The following NAGPA variants were observed in gnomAD, a reference collection of about 807,000 sequenced individuals.
NAGPA encodes N-acetylglucosamine-1-phosphodiester alpha-N-acetylglucosaminidase.
NAGPA carries 56 observed loss-of-function variants against 48.5 expected under a neutral mutation model. The observed-to-expected ratio is 1.15, with a 90% CI of 0.93 to 1.44. The LOEUF is 1.44. Ranked by LOEUF, NAGPA falls within the 40% of genes most tolerant of loss-of-function variation. The pLI is 0.00. For missense variants in NAGPA, 888 were observed against 735.0 expected, an observed-to-expected ratio of 1.21 and a Z score of -2.41; for synonymous variants, 399 against 315.5, an observed-to-expected ratio of 1.26 and a Z score of -2.81.
chr16:5,032,171 T>C (rs963754435), intron 2 of NAGPA, among the ~76,000 whole-genome samples: 5 of 152,152 alleles, frequency 3.3e-5, no homozygotes, highest in Non-Finnish European at 5.9e-5. Flanking sequence ...AATCCATCTA[T>C]GGCCCTCAAT....
rs548212067 is a variant in NAGPA at position 5,028,865 on chromosome 16, C to T, written c.920+15G>A. The T allele has an allele frequency of 5.8e-5, 93 of 1,613,806 alleles. No individual in the cohort carries two copies. The highest frequency in any genetic ancestry group is 6.3e-5 in the Non-Finnish European group (74 of 1,180,024). On this transcript the variant is annotated intron_variant, in intron 5 of 9. Coordinates refer to ENST00000312251, the MANE Select transcript of NAGPA (RefSeq NM_016256.4). ...TGGACTTCAGCCCTCACGAAGGCGG[C>T]TCTCACGTGCTTACCAGTGATCTGA...
Position 5,033,181 on chromosome 16 carries a change from G to C in NAGPA, c.542+92C>G. On this transcript the variant is annotated intron_variant, in intron 2 of 9. Transcript: ENST00000312251. This position sits in a 1 kb window ranked among gnomAD's most constrained non-coding sequence, Gnocchi z 4.2. Reference sequence around the variant, plus strand: ...CTGCAGAGGAGGAAACAGGGGCTCAGCTTGGTTAAGTGACTTGAACACGGA... The same window carrying C: ...CTGCAGAGGAGGAAACAGGGGCTCACCTTGGTTAAGTGACTTGAACACGGA... 1.4e-6 allele frequency: 2 copies of C among 1,428,508 alleles called. No individual in the cohort carries two copies. Among genetic ancestry groups the C allele is most frequent in the Non-Finnish European group, 1.9e-6 (2 of 1,050,918 alleles). The allele number at this position is 1,428,508 out of a possible 1,614,324, so 88.5% of individuals were successfully genotyped here.
In NAGPA at chr16:5,033,233, C is replaced by A; in HGVS notation, c.542+40G>T. The A allele has an allele frequency of 6.4e-7, 1 of 1,556,004 alleles. No individual in the cohort carries two copies. The highest frequency in any genetic ancestry group is 8.6e-7 in the Non-Finnish European group (1 of 1,158,980). On this transcript the variant is annotated intron_variant, in intron 2 of 9. Transcript: ENST00000312251. This position sits in a 1 kb window ranked among gnomAD's most constrained non-coding sequence, Gnocchi z 4.2. ...GCACGGCTACAACCCAAATCTCAGG[C>A]CCTCTGCCCTCGACAGCACGGGGCT...
intron 8 of NAGPA, 26 bp downstream of exon 8, chr16:5,027,252 A>G (rs541761805): frequency 4.3e-5 from 69 of 1,613,708 alleles, no homozygotes; most frequent in South Asian, 3.3e-4. Flanking sequence ...GTCTGCCCAT[A>G]CCCCTCCCCT....
Position 5,025,645 on chromosome 16 carries a change from G to A in NAGPA, c.1381C>T (p.Leu461=), listed in dbSNP as rs761053608. ...LALTLALAFL[L]LISTAANLSL... is the part of the protein sequence containing the mutation. ...AGGTTTGCTGCAGTGCTGATCAGCA[G>A]GAGGAAGGCCAGCGCCAGGGTGAGG... The change falls in exon 10 of 10, where the codon CTG becomes TTG. Residue 461 remains leucine, a synonymous_variant. Coordinates refer to ENST00000312251, the MANE Select transcript of NAGPA (RefSeq NM_016256.4). The A allele has an allele frequency of 1.9e-6, 3 of 1,613,502 alleles. No individual in the cohort carries two copies. The highest frequency in any genetic ancestry group is 2.5e-6 in the Non-Finnish European group (3 of 1,179,910).
At chr16:5,029,275 T>C (rs1194427525) in intron 4 of NAGPA, 4 of 501,678 alleles carry the variant, frequency 8.0e-6, no homozygotes, top group Admixed American at 6.4e-5. Context: ...ATCACAGGAG[T>C]GTTCAACACA....
chr16:5,025,685 C>T lies in NAGPA; in HGVS notation c.1341G>A (p.Arg447=). ...CCAGGGTGAGGGCTAGCCAGGCGGT[C>T]CTGCAGACAGGAGAGAAGCCCCAAG... ...LRAGELSFFT[R]TAWLALTLAL... Residue 447 remains arginine (R), a splice_region_variant and synonymous_variant, in exon 10 of 10, where the codon AGG becomes AGA. Transcript: ENST00000312251. 6.2e-7 allele frequency: 1 copy of T among 1,600,446 alleles called. No homozygotes were observed. Among genetic ancestry groups the T allele is most frequent in the East Asian group, 2.3e-5 (1 of 44,116 alleles).
At position 5,030,510 on chromosome 16, in the gene NAGPA, CTG is replaced by C; in HGVS notation, c.683-19_683-18del. The stretch of plus-strand genomic sequence containing the variant: ...TAAAGGAACCTGAAGGAAAAGCAGC[CTG>C]GCTGATCACCGCCCCTTGGGAGGCC... On this transcript the variant is annotated intron_variant, in intron 3 of 9. Coordinates refer to ENST00000312251, the MANE Select transcript of NAGPA (RefSeq NM_016256.4). The C allele has an allele frequency of 6.5e-7, 1 of 1,548,152 alleles. No homozygotes were observed. The highest frequency in any genetic ancestry group is 8.7e-7 in the Non-Finnish European group (1 of 1,143,638).
In NAGPA at chr16:5,029,083, T is replaced by G. The variant is rs571159663; in HGVS notation, c.792-75A>C. 3.7e-5 allele frequency: 59 copies of G among 1,599,288 alleles called. No homozygotes were observed. The South Asian group carries it at 6.2e-4, about 17-fold the overall frequency. On this transcript the variant is annotated intron_variant, in intron 4 of 9. Transcript: ENST00000312251. ...CATTTAACTCCTTTTCCTTCCACAG[T>G]GCAGAGCATCACGCCCACAGTGCAG...
At chr16:5,029,250 G>C in intron 4 of NAGPA, 1 of 574,754 alleles carries the variant, frequency 1.7e-6, no homozygotes, top group Non-Finnish European at 3.1e-6. Context: ...GGAGGATCTG[G>C]GTGCAGCCAC....
intron 4 of NAGPA, 45 bp downstream of exon 4, chr16:5,030,340 G>T: frequency 6.6e-7 from 1 of 1,515,156 alleles, no homozygotes; most frequent in Non-Finnish European, 9.0e-7. Flanking sequence ...GTTCCTCCTA[G>T]CAGGACTGAG....
At position 5,030,457 on chromosome 16, in the gene NAGPA, C is replaced by G. The variant is rs1956078885; in HGVS notation, c.719G>C (p.Arg240Thr). The G allele has an allele frequency of 6.4e-7, 1 of 1,554,568 alleles. No homozygotes were observed. Among genetic ancestry groups the G allele is most frequent in the Admixed American group, 1.9e-5 (1 of 51,406 alleles). ...TTTCCGGTCGTGGCCAATGGCCGTC[C>G]TGGCTGATATCACATTCACAAATTT... ...FSKFVNVISA[R>T]TAIGHDRKGQ... is the part of the protein sequence containing the mutation. Residue 240 changes from arginine to threonine, a missense_variant, in exon 4 of 10, where the codon AGG (arginine) becomes ACG (threonine). By Grantham distance (71) the Arg-to-Thr change is moderately conservative. Coordinates refer to ENST00000312251, the MANE Select transcript of NAGPA (RefSeq NM_016256.4).
intron 4 of NAGPA, 139 bp from the exon 5 acceptor site, chr16:5,029,147 A>C: frequency 7.8e-5 from 110 of 1,409,372 alleles, no homozygotes; most frequent in Non-Finnish European, 9.9e-5. Flanking sequence ...AGCATGTCTC[A>C]TCCTAGCCCC....
In NAGPA at chr16:5,028,366, CT is replaced by C. The variant is rs747814268; in HGVS notation, c.921-182del. The C allele has an allele frequency of 3.7e-4, 451 of 1,219,754 alleles. 1 individual carries two copies. Among genetic ancestry groups the C allele is most frequent in the Middle Eastern group, 1.1e-3 (6 of 5,340 alleles). The allele number at this position is 1,219,754 out of a possible 1,614,324, so 75.6% of individuals were successfully genotyped here. ...CCTTCCACCCGAGCCTCCTGAGCAG[CT>C]GTAACCGTAAGGTGTGCACCATCAC... On this transcript the variant is annotated intron_variant, in intron 5 of 9. Transcript: ENST00000312251.
At chr16:5,030,575 A>G in intron 3 of NAGPA, 82 bp from the exon 4 acceptor site, 3 of 1,144,330 alleles carry the variant, frequency 2.6e-6, no homozygotes, top group South Asian at 2.6e-5. Flanking sequence ...CACTGGTCTG[A>G]GCTACCTGGT....
intron 3 of NAGPA, chr16:5,031,316 G>A (rs967244000): frequency 2.7e-5 from 7 of 258,712 alleles, no homozygotes; most frequent in Admixed American, 2.0e-4. Flanking sequence ...CTTGAGTGTC[G>A]GTCAGAGTCA....
chr16:5,025,711 T>C, intron 9 of NAGPA, 26 bp from the exon 10 acceptor site: 7 of 1,572,396 alleles, frequency 4.5e-6, no homozygotes, highest in Non-Finnish European at 6.0e-6. Flanking sequence ...AAGCCCCAAG[T>C]GGGGGACTGC....
Position 5,030,390 on chromosome 16 carries a change from C to G in NAGPA, c.786G>C (p.Gln262His). ...VLFHADGQTEQRGINLWEMAE... is the reference protein window; with the variant it reads ...VLFHADGQTEHRGINLWEMAE... ...CCTCAGCTCCCAGGACTCACCCACGCTGCTCCGTTTGGCCGTCTGCATGAA... is the reference window on the plus strand; with the variant it reads ...CCTCAGCTCCCAGGACTCACCCACGGTGCTCCGTTTGGCCGTCTGCATGAA... The change falls in exon 4 of 10, where the codon CAG becomes CAC. Residue 262 changes from glutamine (Q) to histidine (H), a missense_variant. By Grantham distance (24) the Gln-to-His change is conservative (BLOSUM62 0). Coordinates refer to ENST00000312251, the MANE Select transcript of NAGPA (RefSeq NM_016256.4). 16 of 1,551,314 alleles carry G rather than the reference C, an allele frequency of 1.0e-5. No individual in the cohort carries two copies. The highest frequency in any genetic ancestry group is 1.4e-5 in the Non-Finnish European group (16 of 1,147,032).
chr16:5,027,914 A>G (rs2142558241), intron 6 of NAGPA, 21 bp from the exon 7 acceptor site: 1 of 1,609,910 alleles, frequency 6.2e-7, no homozygotes. Flanking sequence ...AAGACCGGGG[A>G]GGCCAGGTGA....
Sources: allele counts gnomAD v4.1 joint callset (sites outside exome capture counted in the v4.1 genomes callset), GRCh38; gene constraint gnomAD v4.1.1; non-coding constraint Gnocchi (gnomAD v3.1); transcripts MANE v1.5; gene names NCBI Gene and HGNC (gene_info 2026-07-23, HGNC 2026-07-21).